The following DNAAF11 variants were observed in gnomAD, a reference collection of about 807,000 sequenced individuals.
The protein encoded by DNAAF11 is dynein axonemal assembly factor 11, also known as leucine rich repeat containing 6.
A neutral mutation model predicts 60.8 loss-of-function variants in DNAAF11; 45 were observed. That is an observed-to-expected ratio of 0.74 (90% confidence interval 0.58 to 0.95). DNAAF11 has a LOEUF of 0.95. Ranked by LOEUF, DNAAF11 falls within the 40% of genes least tolerant of loss-of-function variation. The probability of loss-of-function intolerance (pLI) is 0.00; values close to 1 mark genes in which losing one functional copy is unlikely to be tolerated. For missense variants in DNAAF11, 546 were observed against 546.2 expected (o/e 1.00, Z 0.00); for synonymous variants, 191 against 183.5 (o/e 1.04, Z -0.33).
intron 9 of DNAAF11, 57 bp downstream of exon 9, chr8:132,611,237 C>G: frequency 8.2e-7 from 1 of 1,226,414 alleles, no homozygotes; most frequent in Non-Finnish European, 1.2e-6. Context: ...TGAGGCACCA[C>G]AGCTTAGTTC....
At chr8:132,627,675 G>A (rs1256996735) in intron 5 of DNAAF11, among the ~76,000 whole-genome samples, 3 of 152,162 alleles carry the variant, frequency 2.0e-5, no homozygotes, top group African/African-American at 7.2e-5. Context: ...CACGGGAAGA[G>A]GGACACCCTC....
intron 7 of DNAAF11, among the ~76,000 whole-genome samples, chr8:132,616,516 G>C (rs1257352247): frequency 6.6e-6 from 1 of 152,124 alleles, no homozygotes; most frequent in Admixed American, 6.5e-5. Flanking sequence ...TAAAATGAGG[G>C]AGAGAAGAAT....
chr8:132,604,264 G>A (rs1817924706), intron 10 of DNAAF11, among the ~76,000 whole-genome samples: 1 of 152,140 alleles, frequency 6.6e-6, no homozygotes, highest in African/African-American at 2.4e-5. Flanking sequence ...GAGAAAAAGT[G>A]GAATGTGTGC....
intron 1 of DNAAF11, among the ~76,000 whole-genome samples, chr8:132,668,345 T>C (rs1470112784): frequency 6.6e-6 from 1 of 152,204 alleles, no homozygotes; most frequent in East Asian, 1.9e-4. Context: ...TATGGGGCAC[T>C]GAGAGAAGAA....
At chr8:132,619,602 A>G (rs2130198120) in intron 7 of DNAAF11, among the ~76,000 whole-genome samples, 1 of 152,330 alleles carries the variant, frequency 6.6e-6, no homozygotes, top group African/African-American at 2.4e-5. Flanking sequence ...AGTGGTTTCA[A>G]GAAGGAATAT....
the DNAAF11 span, among the ~76,000 whole-genome samples, chr8:132,694,509 GA>G: frequency 6.6e-6 from 1 of 152,190 alleles, no homozygotes; most frequent in East Asian, 1.9e-4. Flanking sequence ...GTAACTGTGA[GA>G]AAATACAGCT....
chr8:132,677,443 T>A (rs1035540307), upstream of DNAAF11, among the ~76,000 whole-genome samples: 1 of 151,138 alleles, frequency 6.6e-6, no homozygotes, highest in Non-Finnish European at 1.5e-5. Context: ...TAAAAAAAAA[T>A]AATAAAGGAT....
At chr8:132,696,903 G>A in the DNAAF11 span, among the ~76,000 whole-genome samples, 2 of 152,154 alleles carry the variant, frequency 1.3e-5, no homozygotes, top group African/African-American at 4.8e-5. Context: ...TAGAGGGTGG[G>A]AGGAGGGAGA....
At chr8:132,683,733 T>C in the DNAAF11 span, among the ~76,000 whole-genome samples, 1 of 152,192 alleles carries the variant, frequency 6.6e-6, no homozygotes, top group Admixed American at 6.5e-5. Context: ...ACTTTTGAAG[T>C]AGAAATTTGC....
At chr8:132,593,799 G>A (rs1479172033) in intron 10 of DNAAF11, among the ~76,000 whole-genome samples, 1 of 151,904 alleles carries the variant, frequency 6.6e-6, no homozygotes, top group East Asian at 1.9e-4. Context: ...GCAACTCAAT[G>A]GGAAAGTAAA....
intron 7 of DNAAF11, among the ~76,000 whole-genome samples, chr8:132,620,395 C>A (rs537863599): frequency 6.6e-6 from 1 of 152,128 alleles, no homozygotes; most frequent in Non-Finnish European, 1.5e-5. Context: ...AGTGCAGTGG[C>A]GTGATCTCGG....
At chr8:132,699,235 T>C in the DNAAF11 span, among the ~76,000 whole-genome samples, 63,776 of 151,838 alleles carry the variant, frequency 0.42, 15,530 homozygotes, top group African/African-American at 0.68. Flanking sequence ...TAGGGACATC[T>C]TCTCTGTGGG....
chr8:132,603,720 G>A lies in DNAAF11; in HGVS notation c.1140+6446C>T, dbSNP rs115727901. On this transcript the variant is annotated intron_variant, in intron 10 of 11. Transcript: ENST00000620350. ...GTTTTGCAATGAAGTGGACCAGGGC[G>A]GTAAATAGAGGGGGATGTTTTTATT... Among the ~76,000 whole-genome samples, 1,274 of 152,052 alleles carry A rather than the reference G, an allele frequency of 8.4e-3. 23 individuals carry two copies. Among genetic ancestry groups the A allele is most frequent in the African/African-American group, 0.029 (1,214 of 41,496 alleles).
At chr8:132,667,239 C>T (rs1031657885) in intron 1 of DNAAF11, among the ~76,000 whole-genome samples, 42 of 152,250 alleles carry the variant, frequency 2.8e-4, no homozygotes, top group Admixed American at 2.1e-3. Flanking sequence ...GTTTATGATA[C>T]GTAGATTTGG....
the DNAAF11 span, among the ~76,000 whole-genome samples, chr8:132,684,050 GT>G: frequency 6.6e-6 from 1 of 152,156 alleles, no homozygotes; most frequent in South Asian, 2.1e-4. Flanking sequence ...GGCACCCCCT[GT>G]TTTTGCCTAT....
At chr8:132,650,023 T>C (rs1279662283) in intron 3 of DNAAF11, among the ~76,000 whole-genome samples, 3 of 152,220 alleles carry the variant, frequency 2.0e-5, no homozygotes, top group Non-Finnish European at 4.4e-5. Context: ...ACTGGGTATA[T>C]ACCCAAAGGA....
chr8:132,613,034 A>G (rs541797806), intron 8 of DNAAF11, among the ~76,000 whole-genome samples: 10 of 152,356 alleles, frequency 6.6e-5, no homozygotes, highest in Admixed American at 5.2e-4. Context: ...CAAGGATGAA[A>G]CAGTGATTTG....
intron 3 of DNAAF11, among the ~76,000 whole-genome samples, chr8:132,648,706 T>C (rs1194650922): frequency 6.6e-6 from 1 of 152,132 alleles, no homozygotes; most frequent in Non-Finnish European, 1.5e-5. Context: ...AGCATTCTTA[T>C]ACACCAATAA....
upstream of DNAAF11, chr8:132,675,767 G>A: frequency 2.4e-6 from 1 of 409,376 alleles, no homozygotes; most frequent in Non-Finnish European, 4.3e-6. Flanking sequence ...GCCACAGACT[G>A]CTTCCCTCTC....
Sources: gnomAD v4.1 joint callset for allele counts (sites outside exome capture counted in the v4.1 genomes callset) on GRCh38, gnomAD v4.1.1 for gene constraint, MANE v1.5 for transcripts, NCBI Gene and HGNC (gene_info 2026-07-23, HGNC 2026-07-21) for gene names.